Variants in RBP5 observed in about 807,000 individuals in gnomAD.
RBP5 encodes the protein retinol-binding protein 5.
A neutral mutation model predicts 17.8 loss-of-function variants in RBP5; 12 were observed. That is an observed-to-expected ratio of 0.67 (90% CI 0.43 to 1.09). The LOEUF (loss-of-function observed/expected upper bound fraction) is 1.09. Ranked by LOEUF, RBP5 falls within the 50% of genes least tolerant of loss-of-function variation. RBP5 has a pLI of 0.00. For synonymous variants in RBP5, 64 were observed against 68.1 expected, an observed-to-expected ratio of 0.94 and a Z score of 0.30; for missense variants, 172 against 169.4, an observed-to-expected ratio of 1.02 and a Z score of -0.09.
At chr12:7,126,077 A>AAG (rs1302690418) in intron 2 of RBP5, among the ~76,000 whole-genome samples, 1 of 151,530 alleles carries the variant, frequency 6.6e-6, no homozygotes. Context: ...ACCAAAAAAA[A>AAG]AAAAACACAA....
chr12:7,128,825 G>A lies in RBP5; in HGVS notation c.-50C>T. The stretch of plus-strand genomic sequence containing the variant: ...ATGCAGGAGACAGGGTGAGGAAGGA[G>A]GGGGTGTTGTCTGGCAGGTGAGGCT... On this transcript the variant is annotated 5_prime_UTR_variant, in exon 1 of 4. Coordinates refer to ENST00000266560, the MANE Select transcript of RBP5 (RefSeq NM_031491.4). The surrounding 1 kb of genome is among the most constrained non-coding windows in gnomAD (Gnocchi z 5.3). The A allele has an allele frequency of 6.9e-7, 1 of 1,443,332 alleles. No individual in the cohort carries two copies. Among genetic ancestry groups the A allele is most frequent in the Non-Finnish European group, 9.6e-7 (1 of 1,045,190 alleles). The allele number at this position is 1,443,332 out of a possible 1,614,324, so 89.4% of individuals were successfully genotyped here.
At chr12:7,129,579 A>G (rs1939239474), upstream of RBP5, 36 of 982,576 alleles carry the variant, frequency 3.7e-5, no homozygotes, top group Non-Finnish European at 4.0e-5. This position sits in a 1 kb window ranked among gnomAD's most constrained non-coding sequence, Gnocchi z 5.5. Flanking sequence ...CCTCTGAGTC[A>G]TCGATGAGAC....
rs374098347 is a variant in RBP5 at position 7,124,179 on chromosome 12, G to T, written c.355-5C>A. The stretch of plus-strand genomic sequence containing the variant: ...TGCATCCCTTGCAGTCAGTTCCTGG[G>T]GAGAGAGGGGAAGTGAGGGGGAGAG... On this transcript the variant is annotated splice_region_variant and splice_polypyrimidine_tract_variant and intron_variant, in intron 3 of 3. Coordinates refer to ENST00000266560, the MANE Select transcript of RBP5 (RefSeq NM_031491.4). This position sits in a 1 kb window ranked among gnomAD's most constrained non-coding sequence, Gnocchi z 5.3. 6.2e-7 allele frequency: 1 copy of T among 1,614,024 alleles called. No individual in the cohort carries two copies. Among genetic ancestry groups the T allele is most frequent in the African/African-American group, 1.3e-5 (1 of 75,026 alleles).
intron 2 of RBP5, among the ~76,000 whole-genome samples, chr12:7,126,510 G>GGTGGT (rs751535528): frequency 0.018 from 2,413 of 130,836 alleles, 32 homozygotes; most frequent in Non-Finnish European, 0.023. Context: ...TGGTGGTGGT[G>GGTGGT]GTGTGTGTGT....
In RBP5 at chr12:7,124,199, G is replaced by A. The variant is rs550809722; in HGVS notation, c.355-25C>T. ...CCTGGGGAGAGAGGGGAAGTGAGGG[G>A]GAGAGAGAAAGAGGGCGTTTGCCAG... On this transcript the variant is annotated intron_variant, in intron 3 of 3. Transcript: ENST00000266560. The surrounding 1 kb of genome is among the most constrained non-coding windows in gnomAD (Gnocchi z 5.3). 2.2e-5 allele frequency: 35 copies of A among 1,613,048 alleles called. No individual in the cohort carries two copies. The highest frequency in any genetic ancestry group is 2.7e-5 in the Non-Finnish European group (32 of 1,179,276).
chr12:7,124,272 A>G lies in RBP5; in HGVS notation c.355-98T>C. 1 of 1,051,262 alleles carries G rather than the reference A, an allele frequency of 9.5e-7. No homozygotes were observed. The highest frequency in any genetic ancestry group is 1.5e-6 in the Non-Finnish European group (1 of 679,854). 65.1% of individuals were successfully genotyped at this position (1,051,262 alleles called of 1,614,324 possible). On this transcript the variant is annotated intron_variant, in intron 3 of 3. Coordinates refer to ENST00000266560, the MANE Select transcript of RBP5 (RefSeq NM_031491.4). The surrounding 1 kb of genome is among the most constrained non-coding windows in gnomAD (Gnocchi z 5.3). ...CTTGACCTCCATTTACTCCTTCCGG[A>G]TACAGCAGCTTGAGTGTTTGATGTA...
At position 7,123,856 on chromosome 12, in the gene RBP5, C is replaced by G. The variant is rs1015655038; in HGVS notation, c.*265G>C. 1 of 463,198 alleles carries G rather than the reference C, an allele frequency of 2.2e-6. No individual in the cohort carries two copies. Among genetic ancestry groups the G allele is most frequent in the Non-Finnish European group, 3.9e-6 (1 of 255,556 alleles). The allele number at this position is 463,198 out of a possible 1,614,324, so 28.7% of individuals were successfully genotyped here. ...GGAGATTGGTTGTTCTCAGGGGCTCCTTCCCTTTGCCTGCTTCTTTCATTT... is the reference window on the plus strand; with the variant it reads ...GGAGATTGGTTGTTCTCAGGGGCTCGTTCCCTTTGCCTGCTTCTTTCATTT... On this transcript the variant is annotated 3_prime_UTR_variant, in exon 4 of 4. Coordinates refer to ENST00000266560, the MANE Select transcript of RBP5 (RefSeq NM_031491.4).
intron 2 of RBP5, among the ~76,000 whole-genome samples, chr12:7,125,346 C>A (rs952943958): frequency 1.3e-5 from 2 of 152,152 alleles, no homozygotes; most frequent in Non-Finnish European, 2.9e-5. Context: ...CCTCTGGATA[C>A]TTCTGGCTGA....
chr12:7,128,579 C>T lies in RBP5; in HGVS notation c.73+124G>A. The T allele has an allele frequency of 1.7e-6, 2 of 1,197,402 alleles. No individual in the cohort carries two copies. The highest frequency in any genetic ancestry group is 2.4e-6 in the Non-Finnish European group (2 of 828,334). 74.2% of individuals were successfully genotyped at this position (1,197,402 alleles called of 1,614,324 possible). ...TTAGAAATGGATCCCAGGTCTGGTG[C>T]CAGCCGCCTGAGCCTTTCCACAGTG... is the stretch of plus-strand genomic sequence containing the variant. On this transcript the variant is annotated intron_variant, in intron 1 of 3. Transcript: ENST00000266560. The surrounding 1 kb of genome is among the most constrained non-coding windows in gnomAD (Gnocchi z 5.3).
Position 7,124,075 on chromosome 12 carries a change from C to T in RBP5, c.*46G>A, listed in dbSNP as rs764347868. Reference sequence around the variant, plus strand: ...GGGCTTGAAGGGGGCACAACAAGAGCGTCTGTGAGCTGGTGCTGTCTGGAG... The same window carrying T: ...GGGCTTGAAGGGGGCACAACAAGAGTGTCTGTGAGCTGGTGCTGTCTGGAG... On this transcript the variant is annotated 3_prime_UTR_variant, in exon 4 of 4. Transcript: ENST00000266560. The surrounding 1 kb of genome is among the most constrained non-coding windows in gnomAD (Gnocchi z 5.3). 7.6e-6 allele frequency: 12 copies of T among 1,580,334 alleles called. No individual in the cohort carries two copies. Among genetic ancestry groups the T allele is most frequent in the Middle Eastern group, 1.7e-4 (1 of 6,004 alleles).
At position 7,117,389 on chromosome 12, in the gene RBP5, T is replaced by C. The variant is rs1213653698; in HGVS notation, n.890-82A>G. 2 of 152,086 alleles carry C rather than the reference T, an allele frequency of 1.3e-5. No individual in the cohort carries two copies. Among genetic ancestry groups the C allele is most frequent in the Non-Finnish European group, 2.9e-5 (2 of 68,014 alleles). 9.4% of individuals were successfully genotyped at this position (152,086 alleles called of 1,614,324 possible). ...TGGCTGTCTCGGACGCTGGTTCTCATAGAAGTAGATGTATTATTTTAGTAC... is the reference window on the plus strand; with the variant it reads ...TGGCTGTCTCGGACGCTGGTTCTCACAGAAGTAGATGTATTATTTTAGTAC... On this transcript the variant is annotated intron_variant and non_coding_transcript_variant, in intron 3 of 3. Coordinates refer to the RBP5 transcript ENST00000619522. This position sits in a 1 kb window ranked among gnomAD's most constrained non-coding sequence, Gnocchi z 4.9.
downstream of RBP5, chr12:7,122,192 C>G (rs747779306): frequency 6.6e-6 from 1 of 152,206 alleles, no homozygotes; most frequent in East Asian, 1.9e-4. Flanking sequence ...TTCTAGTGTC[C>G]GCAGGGGAAA....
At position 7,128,609 on chromosome 12, in the gene RBP5, A is replaced by G; in HGVS notation, c.73+94T>C. Reference sequence around the variant, plus strand: ...CGCCTGAGCCTTTCCACAGTGTCCAACCCCGGGCATTCCCTCTTCTCCATG... The same window carrying G: ...CGCCTGAGCCTTTCCACAGTGTCCAGCCCCGGGCATTCCCTCTTCTCCATG... On this transcript the variant is annotated intron_variant, in intron 1 of 3. Transcript: ENST00000266560. This position sits in a 1 kb window ranked among gnomAD's most constrained non-coding sequence, Gnocchi z 5.3. The G allele has an allele frequency of 1.5e-6, 2 of 1,310,576 alleles. No homozygotes were observed. Among genetic ancestry groups the G allele is most frequent in the African/African-American group, 1.5e-5 (1 of 68,068 alleles). The allele number at this position is 1,310,576 out of a possible 1,614,324, so 81.2% of individuals were successfully genotyped here.
upstream of RBP5, chr12:7,129,965 T>G (rs1939248034): frequency 7.5e-6 from 2 of 265,724 alleles, no homozygotes; most frequent in Non-Finnish European, 1.2e-5. This position sits in a 1 kb window ranked among gnomAD's most constrained non-coding sequence, Gnocchi z 5.5. Context: ...GACTGAGGGT[T>G]TTACTTCACC....
chr12:7,124,318 C>T lies in RBP5; in HGVS notation c.355-144G>A. The T allele has an allele frequency of 1.3e-6, 1 of 747,388 alleles. No individual in the cohort carries two copies. Among genetic ancestry groups the T allele is most frequent in the East Asian group, 2.7e-5 (1 of 37,058 alleles). 46.3% of individuals were successfully genotyped at this position (747,388 alleles called of 1,614,324 possible). On this transcript the variant is annotated intron_variant, in intron 3 of 3. Coordinates refer to ENST00000266560, the MANE Select transcript of RBP5 (RefSeq NM_031491.4). This position sits in a 1 kb window ranked among gnomAD's most constrained non-coding sequence, Gnocchi z 5.3. ...ATGTATGGGCAATTGTATCATTATT[C>T]CACATCCTCAACTTTCCACCCCTCA...
Position 7,124,208 on chromosome 12 carries a change from A to C in RBP5, c.355-34T>G. On this transcript the variant is annotated intron_variant, in intron 3 of 3. Transcript: ENST00000266560. This position sits in a 1 kb window ranked among gnomAD's most constrained non-coding sequence, Gnocchi z 5.3. ...AGAGGGGAAGTGAGGGGGAGAGAGAAAGAGGGCGTTTGCCAGCCAGAGCCC... is the reference window on the plus strand; with the variant it reads ...AGAGGGGAAGTGAGGGGGAGAGAGACAGAGGGCGTTTGCCAGCCAGAGCCC... 2 of 1,609,696 alleles carry C rather than the reference A, an allele frequency of 1.2e-6. No individual in the cohort carries two copies. The highest frequency in any genetic ancestry group is 1.7e-6 in the Non-Finnish European group (2 of 1,176,270).
In RBP5 at chr12:7,128,762, A is replaced by T; in HGVS notation, c.14T>A (p.Leu5His). The T allele has an allele frequency of 6.2e-7, 1 of 1,602,754 alleles. No individual in the cohort carries two copies. Among genetic ancestry groups the T allele is most frequent in the Non-Finnish European group, 8.5e-7 (1 of 1,174,600 alleles). The change falls in exon 1 of 4, where the codon CTC becomes CAC. Residue 5 changes from leucine to histidine, a missense_variant. Coordinates refer to ENST00000266560, the MANE Select transcript of RBP5 (RefSeq NM_031491.4). The surrounding 1 kb of genome is among the most constrained non-coding windows in gnomAD (Gnocchi z 5.3). Reference protein sequence around the residue: MPPNLTGYYRFVSQK... With the variant: MPPNHTGYYRFVSQK... ...CGAGACAAAGCGGTAGTAGCCAGTG[A>T]GGTTGGGAGGCATTGTGTGGATGAA...
intron 2 of RBP5, among the ~76,000 whole-genome samples, chr12:7,125,657 A>G (rs1939148026): frequency 6.6e-6 from 1 of 152,186 alleles, no homozygotes; most frequent in Admixed American, 6.5e-5. Context: ...TTGGGAGTTA[A>G]TTAGATTGGA....
chr12:7,121,202 G>A (rs1258058105), downstream of RBP5, among the ~76,000 whole-genome samples: 2 of 152,030 alleles, frequency 1.3e-5, no homozygotes, highest in African/African-American at 4.8e-5. Flanking sequence ...GGGATACCAG[G>A]CCTCTTACTT....
Sources: gnomAD v4.1 joint callset for allele counts (sites outside exome capture counted in the v4.1 genomes callset) on GRCh38, gnomAD v4.1.1 for gene constraint, Gnocchi (gnomAD v3.1) non-coding constraint, MANE v1.5 for transcripts, NCBI Gene and HGNC (gene_info 2026-07-23, HGNC 2026-07-21) for gene names.